ARMH4: variants seen among roughly 807,000 people sequenced by gnomAD.
ARMH4 encodes armadillo-like helical domain-containing protein 4.
A neutral mutation model predicts 61.9 loss-of-function variants in ARMH4; 49 were observed. The ratio of observed to expected loss-of-function variants is 0.79; its 90% CI spans 0.63 to 1.00. ARMH4 has a LOEUF of 1.00. Among genes scored for constraint, ARMH4 ranks in the 50% least tolerant of loss-of-function variants. ARMH4 has a pLI of 0.00. For missense variants in ARMH4, 934 were observed against 930.0 expected (o/e 1.00, Z -0.06); for synonymous variants, 368 against 341.5 (o/e 1.08, Z -0.85).
chr14:58,092,206 G>C (rs962118223), intron 5 of ARMH4, among the ~76,000 whole-genome samples: 37 of 151,726 alleles, frequency 2.4e-4, no homozygotes, highest in Non-Finnish European at 4.4e-5. Context: ...TAAAAATGGA[G>C]GTGATAACCT....
At chr14:58,097,698 TTTTA>T (rs1010052937) in intron 4 of ARMH4, among the ~76,000 whole-genome samples, 69 of 149,612 alleles carry the variant, frequency 4.6e-4, no homozygotes, top group African/African-American at 1.5e-3. Flanking sequence ...TTTTTTTATT[TTTTA>T]TTTATTTATT....
chr14:58,094,745 A>G (rs1328082990), intron 5 of ARMH4, among the ~76,000 whole-genome samples: 1 of 152,206 alleles, frequency 6.6e-6, no homozygotes, highest in African/African-American at 2.4e-5. Flanking sequence ...AAACTAATCT[A>G]TAGTGACCAA....
intron 5 of ARMH4, among the ~76,000 whole-genome samples, chr14:58,028,339 G>A (rs1471080858): frequency 6.6e-6 from 1 of 152,166 alleles, no homozygotes; most frequent in Non-Finnish European, 1.5e-5. Flanking sequence ...GTTTGCTTGT[G>A]CTGAGTACAC....
chr14:58,027,301 T>C (rs972041753), intron 5 of ARMH4, among the ~76,000 whole-genome samples: 1 of 152,068 alleles, frequency 6.6e-6, no homozygotes, highest in African/African-American at 2.4e-5. Flanking sequence ...GGTAGATCTT[T>C]TTCTTTAAGT....
Position 58,002,739 on chromosome 14 carries a change from T to C in ARMH4, c.*1997A>G, listed in dbSNP as rs1042255078. ...TCTTAGAAAAGGAAAACATCCCTTATGCAATATCAGGATGTCTCTACTCGT... is the reference window on the plus strand; with the variant it reads ...TCTTAGAAAAGGAAAACATCCCTTACGCAATATCAGGATGTCTCTACTCGT... On this transcript the variant is annotated 3_prime_UTR_variant, in exon 8 of 8. Coordinates refer to ENST00000267485, the MANE Select transcript of ARMH4 (RefSeq NM_001001872.4). 2 of 152,262 alleles carry C rather than the reference T, an allele frequency of 1.3e-5. No individual in the cohort carries two copies. The highest frequency in any genetic ancestry group is 2.9e-5 in the Non-Finnish European group (2 of 68,044). The allele number at this position is 152,262 out of a possible 1,614,324, so 9.4% of individuals were successfully genotyped here.
At chr14:58,061,655 T>C (rs745318069) in intron 5 of ARMH4, among the ~76,000 whole-genome samples, 14 of 152,262 alleles carry the variant, frequency 9.2e-5, no homozygotes, top group Non-Finnish European at 1.6e-4. Flanking sequence ...AATATGACTA[T>C]AGTTTCAATC....
chr14:58,046,295 T>C (rs918423703), intron 5 of ARMH4, among the ~76,000 whole-genome samples: 2 of 152,172 alleles, frequency 1.3e-5, no homozygotes, highest in African/African-American at 2.4e-5. Context: ...CTTGCTGAGA[T>C]GTTCTAATGA....
intron 4 of ARMH4, among the ~76,000 whole-genome samples, chr14:58,109,492 T>C (rs951223226): frequency 1.3e-5 from 2 of 152,238 alleles, no homozygotes; most frequent in Non-Finnish European, 2.9e-5. Flanking sequence ...TGACTATTCC[T>C]GTCCATGTCC....
intron 4 of ARMH4, among the ~76,000 whole-genome samples, chr14:58,123,672 G>A (rs1034849413): frequency 6.6e-6 from 1 of 152,076 alleles, no homozygotes; most frequent in Non-Finnish European, 1.5e-5. Flanking sequence ...TGTACATCCT[G>A]ACTCTCAATT....
At chr14:58,110,984 C>T (rs1032325529) in intron 4 of ARMH4, among the ~76,000 whole-genome samples, 5 of 151,880 alleles carry the variant, frequency 3.3e-5, no homozygotes, top group Non-Finnish European at 7.4e-5. Context: ...GAGCTCCTGA[C>T]CTCAGATGAT....
At position 58,065,916 on chromosome 14, in the gene ARMH4, C is replaced by A. The variant is rs544896101; in HGVS notation, c.2089+30808G>T. On this transcript the variant is annotated intron_variant, in intron 5 of 7. Coordinates refer to ENST00000267485, the MANE Select transcript of ARMH4 (RefSeq NM_001001872.4). ...GCCAACAGCCAACAAGAACCTGAAT[C>A]CCTCAGTCTTACAGCTGTCAAGATA... 1.5e-4 allele frequency among the ~76,000 whole-genome samples: 23 copies of A among 152,210 alleles called. 1 individual carries two copies. Among genetic ancestry groups the A allele is most frequent in the Middle Eastern group, 6.3e-3 (2 of 316 alleles).
At chr14:58,127,480 C>A (rs1008238512) in intron 4 of ARMH4, among the ~76,000 whole-genome samples, 1 of 152,184 alleles carries the variant, frequency 6.6e-6, no homozygotes, top group Non-Finnish European at 1.5e-5. Flanking sequence ...CATGTGGAAC[C>A]TCTTTCACTT....
chr14:58,140,012 G>A (rs1218021540), intron 1 of ARMH4, among the ~76,000 whole-genome samples: 2 of 152,106 alleles, frequency 1.3e-5, no homozygotes, highest in Non-Finnish European at 2.9e-5. Context: ...GCTCACACCT[G>A]TAATCCCAGC....
chr14:58,098,010 C>T (rs980513334), intron 4 of ARMH4, among the ~76,000 whole-genome samples: 4 of 152,162 alleles, frequency 2.6e-5, no homozygotes, highest in Admixed American at 6.5e-5. Context: ...TCTGAAGCCC[C>T]TGGTAAGTGC....
Position 58,138,388 on chromosome 14 carries a change from C to T in ARMH4, c.971G>A (p.Arg324Gln), listed in dbSNP as rs759821332. The change falls in exon 2 of 8, where the codon CGG becomes CAG. Residue 324 changes from arginine to glutamine, a missense_variant. Transcript: ENST00000267485. ...WDDTKLESVS[R>Q]IRTPKLGDNE... The stretch of plus-strand genomic sequence containing the variant: ...GTCTCCAAGCTTGGGGGTCCTTATC[C>T]GGCTTACACTCTCTAATTTGGTGTC... 5.6e-6 allele frequency: 9 copies of T among 1,614,034 alleles called. No individual in the cohort carries two copies. Among genetic ancestry groups the T allele is most frequent in the African/African-American group, 2.7e-5 (2 of 74,904 alleles).
At chr14:58,013,657 A>C (rs1411346823) in intron 5 of ARMH4, among the ~76,000 whole-genome samples, 6 of 152,198 alleles carry the variant, frequency 3.9e-5, no homozygotes, top group Non-Finnish European at 8.8e-5. Context: ...ACAAACATGA[A>C]AGTCAGGTCA....
chr14:58,070,217 A>G (rs779921020), intron 5 of ARMH4, among the ~76,000 whole-genome samples: 2 of 152,204 alleles, frequency 1.3e-5, no homozygotes, highest in Non-Finnish European at 2.9e-5. Context: ...AAGAGGAGGA[A>G]GAAGGTGATA....
intron 5 of ARMH4, among the ~76,000 whole-genome samples, chr14:58,050,778 T>C (rs1463803723): frequency 1.3e-5 from 2 of 152,094 alleles, no homozygotes; most frequent in Non-Finnish European, 2.9e-5. Context: ...TAGCCAGAAC[T>C]TTTTCATGTT....
At chr14:58,013,401 A>G (rs1882484526) in intron 5 of ARMH4, among the ~76,000 whole-genome samples, 1 of 145,330 alleles carries the variant, frequency 6.9e-6, no homozygotes, top group Admixed American at 7.1e-5. Context: ...ATTAAAATGT[A>G]AAAAGCATTC....
Sources: gnomAD v4.1 joint callset for allele counts (sites outside exome capture counted in the v4.1 genomes callset) on GRCh38, gnomAD v4.1.1 for gene constraint, MANE v1.5 for transcripts, NCBI Gene and HGNC (gene_info 2026-07-23, HGNC 2026-07-21) for gene names.